The following PTPRD variants were observed in gnomAD, a reference collection of about 807,000 sequenced individuals.
PTPRD encodes the protein receptor-type tyrosine-protein phosphatase delta.
In PTPRD, 34 loss-of-function variants were observed where a neutral mutation model predicts 214.5. That is an observed-to-expected ratio of 0.16 (90% CI 0.12 to 0.21). The LOEUF (loss-of-function observed/expected upper bound fraction) is 0.21. Among genes scored for constraint, PTPRD ranks in the 10% least tolerant of loss-of-function variants. The probability of loss-of-function intolerance (pLI) is 1.00; values close to 1 mark genes in which losing one functional copy is unlikely to be tolerated. For missense variants in PTPRD, 2,545 were observed against 2,398.7 expected (o/e 1.06, Z -1.27); for synonymous variants, 1,128 against 845.7 (o/e 1.33, Z -5.79).
intron 11 of PTPRD, among the ~76,000 whole-genome samples, chr9:9,007,775 A>G (rs1194288759): frequency 6.9e-6 from 1 of 143,982 alleles, no homozygotes; most frequent in Non-Finnish European, 1.5e-5. Flanking sequence ...AAGGTTGCTT[A>G]AGCATATCTT....
chr9:8,780,987 G>A (rs933742971), intron 11 of PTPRD, among the ~76,000 whole-genome samples: 3 of 152,112 alleles, frequency 2.0e-5, no homozygotes, highest in Non-Finnish European at 4.4e-5. Flanking sequence ...AAATACCCAG[G>A]GGAGCTATTA....
At chr9:9,294,073 A>G (rs1952152994) in intron 9 of PTPRD, among the ~76,000 whole-genome samples, 1 of 151,638 alleles carries the variant, frequency 6.6e-6, no homozygotes. Context: ...AAGGCTGTTA[A>G]GTGACTAATT....
chr9:8,582,778 C>A (rs1208611977), intron 14 of PTPRD, among the ~76,000 whole-genome samples: 1 of 152,088 alleles, frequency 6.6e-6, no homozygotes, highest in Non-Finnish European at 1.5e-5. Context: ...CTTAGTTATG[C>A]TGGTAGAAAT....
At chr9:10,551,389 G>A (rs573469056) in intron 2 of PTPRD, among the ~76,000 whole-genome samples, 1 of 152,130 alleles carries the variant, frequency 6.6e-6, no homozygotes, top group South Asian at 2.1e-4. Context: ...CGTGATTCAT[G>A]TTCCTTGTGC....
chr9:8,936,643 T>C (rs969641178), intron 11 of PTPRD, among the ~76,000 whole-genome samples: 5 of 152,070 alleles, frequency 3.3e-5, no homozygotes, highest in African/African-American at 4.8e-5. Context: ...AATCACTACA[T>C]AGGAATGAAA....
At chr9:10,196,463 G>A (rs886544844) in intron 3 of PTPRD, among the ~76,000 whole-genome samples, 5 of 152,038 alleles carry the variant, frequency 3.3e-5, no homozygotes, top group South Asian at 4.1e-4. Flanking sequence ...AACATCCGTC[G>A]AAAGACAAAA....
At chr9:9,899,402 C>T (rs940560791) in intron 5 of PTPRD, among the ~76,000 whole-genome samples, 8 of 151,824 alleles carry the variant, frequency 5.3e-5, no homozygotes, top group Non-Finnish European at 8.8e-5. Context: ...GAATGTGAAT[C>T]GATATTTCTG....
chr9:8,607,285 G>T lies in PTPRD; in HGVS notation c.352+26032C>A, dbSNP rs527674489. Among the ~76,000 whole-genome samples the T allele has an allele frequency of 2.6e-5, 4 of 152,282 alleles. No individual in the cohort carries two copies. In the South Asian group the frequency reaches 8.3e-4, roughly 32 times the overall value. On this transcript the variant is annotated intron_variant, in intron 14 of 45. Transcript: ENST00000381196. ...CTTAAAAACATCATGTACATGGTAA[G>T]TATCTACAATTTTGTCTATTAAAAT...
At chr9:10,020,161 C>T (rs148306693) in intron 4 of PTPRD, among the ~76,000 whole-genome samples, 1 of 152,012 alleles carries the variant, frequency 6.6e-6, no homozygotes, top group East Asian at 1.9e-4. Flanking sequence ...AAACAGGAAC[C>T]ATTTTATAAC....
intron 3 of PTPRD, among the ~76,000 whole-genome samples, chr9:10,114,533 A>G (rs1387208904): frequency 1.3e-5 from 2 of 152,082 alleles, no homozygotes; most frequent in Non-Finnish European, 2.9e-5. Flanking sequence ...TTTTATTCTC[A>G]TAAACTTATA....
rs188466543 is a variant in PTPRD at position 9,368,050 on chromosome 9, G to T, written c.-203+29399C>A. 1.3e-4 allele frequency among the ~76,000 whole-genome samples: 20 copies of T among 151,714 alleles called. No individual in the cohort carries two copies. In the East Asian group the frequency reaches 3.9e-3, roughly 30 times the overall value. ...AACATATTATTCATCTTTATTTAGG[G>T]CCATAAACTACTCAATATGGATCCC... On this transcript the variant is annotated intron_variant, in intron 9 of 45. Coordinates refer to ENST00000381196, the MANE Select transcript of PTPRD (RefSeq NM_002839.4).
intron 3 of PTPRD, among the ~76,000 whole-genome samples, chr9:10,124,777 C>T (rs2098803025): frequency 6.6e-6 from 1 of 152,066 alleles, no homozygotes. Flanking sequence ...TGTATTTTTC[C>T]AATTAATCAT....
chr9:9,133,459 A>C (rs1252016557), intron 10 of PTPRD, among the ~76,000 whole-genome samples: 1 of 152,226 alleles, frequency 6.6e-6, no homozygotes, highest in Non-Finnish European at 1.5e-5. Context: ...ATTCATTTTA[A>C]GAAATTAAGA....
intron 24 of PTPRD, among the ~76,000 whole-genome samples, chr9:8,500,547 T>TTGAAAAAAA (rs1277710919): frequency 7.4e-5 from 3 of 40,676 alleles, no homozygotes; most frequent in African/African-American, 2.4e-4. Flanking sequence ...TGCATTGAGA[T>TTGAAAAAAA]TGAAAAAAAT....
chr9:8,350,372 A>C (rs1017846512), intron 39 of PTPRD, among the ~76,000 whole-genome samples: 7 of 152,164 alleles, frequency 4.6e-5, no homozygotes, highest in Non-Finnish European at 1.0e-4. Context: ...ATATGGACTA[A>C]AAAAATCATT....
intron 3 of PTPRD, among the ~76,000 whole-genome samples, chr9:10,088,077 C>T (rs1006769816): frequency 2.0e-5 from 3 of 151,682 alleles, no homozygotes; most frequent in East Asian, 3.9e-4. Flanking sequence ...CATCCATTCA[C>T]GAATTTACTT....
intron 11 of PTPRD, among the ~76,000 whole-genome samples, chr9:8,767,433 C>T (rs1428398345): frequency 1.3e-5 from 2 of 151,994 alleles, no homozygotes; most frequent in Non-Finnish European, 2.9e-5. Context: ...ATTTTTTGAA[C>T]CAGTATTTCC....
intron 9 of PTPRD, among the ~76,000 whole-genome samples, chr9:9,197,708 G>A (rs2099939444): frequency 6.6e-6 from 1 of 152,142 alleles, no homozygotes; most frequent in Non-Finnish European, 1.5e-5. Flanking sequence ...ACCATGTCCG[G>A]CCTATTTTTC....
chr9:9,438,263 G>C (rs769789528), intron 8 of PTPRD, among the ~76,000 whole-genome samples: 19 of 152,142 alleles, frequency 1.2e-4, no homozygotes, highest in Non-Finnish European at 2.4e-4. Flanking sequence ...CCTATAGCCA[G>C]TGCCTACAGC....
Sources: allele counts gnomAD v4.1 joint callset (sites outside exome capture counted in the v4.1 genomes callset), GRCh38; gene constraint gnomAD v4.1.1; transcripts MANE v1.5; gene names NCBI Gene and HGNC (gene_info 2026-07-23, HGNC 2026-07-21).